The following CORIN variants were observed in gnomAD, a reference collection of about 807,000 sequenced individuals.
CORIN encodes the protein atrial natriuretic peptide-converting enzyme.
Under a neutral mutation model 125.3 loss-of-function variants are expected in CORIN, and 117 were observed. The observed-to-expected ratio is 0.93, with a 90% CI of 0.80 to 1.09. CORIN has a LOEUF of 1.09. CORIN is among the 50% of genes least tolerant of loss of function. The pLI is 0.00. For missense variants in CORIN, 1,253 were observed against 1,306.7 expected, an observed-to-expected ratio of 0.96 and a Z score of 0.63; for synonymous variants, 450 against 466.4, an observed-to-expected ratio of 0.96 and a Z score of 0.45.
intron 6 of CORIN, among the ~76,000 whole-genome samples, chr4:47,691,202 C>T (rs1160780504): frequency 6.6e-6 from 1 of 152,136 alleles, no homozygotes; most frequent in African/African-American, 2.4e-5. Flanking sequence ...CATAGTTGGC[C>T]CACCACAGGA....
At position 47,604,179 on chromosome 4, in the gene CORIN, G is replaced by A. The variant is rs141873810; in HGVS notation, c.2541-511C>T. 5.2e-3 allele frequency among the ~76,000 whole-genome samples: 797 copies of A among 152,310 alleles called. 6 individuals carry two copies. The highest frequency in any genetic ancestry group is 0.018 in the African/African-American group (741 of 41,550). On this transcript the variant is annotated intron_variant, in intron 19 of 21. Transcript: ENST00000273857. ...TTGAATACTTGTCAACAATATTTTA[G>A]TCGATTCCCACCTTAAAACACTTTC...
chr4:47,609,321 C>T (rs1721780318), intron 19 of CORIN, among the ~76,000 whole-genome samples: 1 of 152,144 alleles, frequency 6.6e-6, no homozygotes, highest in South Asian at 2.1e-4. Context: ...CTCACTGCAA[C>T]CTTTGCCTCA....
chr4:47,833,928 A>C (rs947055975), intron 1 of CORIN, among the ~76,000 whole-genome samples: 1 of 152,220 alleles, frequency 6.6e-6, no homozygotes, highest in Admixed American at 6.5e-5. Flanking sequence ...AAGAAAATGC[A>C]TCTCTTGTAT....
At chr4:47,719,657 C>T (rs1727255792) in intron 5 of CORIN, among the ~76,000 whole-genome samples, 1 of 152,132 alleles carries the variant, frequency 6.6e-6, no homozygotes, top group East Asian at 1.9e-4. Flanking sequence ...AGAAGTTTTT[C>T]AGTCTTCAGA....
chr4:47,678,198 T>C, intron 8 of CORIN, 144 bp from the exon 9 acceptor site: 5 of 644,606 alleles, frequency 7.8e-6, no homozygotes, highest in Non-Finnish European at 1.4e-5. Context: ...TTGATTTTAT[T>C]TCTAGAATTT....
intron 3 of CORIN, among the ~76,000 whole-genome samples, chr4:47,772,471 C>A (rs1451414345): frequency 6.6e-6 from 1 of 152,164 alleles, no homozygotes; most frequent in African/African-American, 2.4e-5. Context: ...AAGAACTACA[C>A]CTTGCCCCAT....
chr4:47,837,540 C>A, intron 1 of CORIN: 1 of 405,200 alleles, frequency 2.5e-6, no homozygotes, highest in South Asian at 2.6e-5. Flanking sequence ...TGGAGGGCAC[C>A]GTGCGGAGGA....
chr4:47,721,844 A>G (rs1395937736), intron 5 of CORIN, among the ~76,000 whole-genome samples: 2 of 152,082 alleles, frequency 1.3e-5, no homozygotes, highest in Non-Finnish European at 2.9e-5. Context: ...TTAGGAAAAC[A>G]CCATTATTTG....
chr4:47,694,091 T>G (rs948702024), intron 5 of CORIN, among the ~76,000 whole-genome samples: 7 of 152,206 alleles, frequency 4.6e-5, no homozygotes, highest in Admixed American at 2.6e-4. Context: ...AGGGGCTAGT[T>G]AAATAAATTT....
At chr4:47,687,010 T>C (rs758555752) in intron 6 of CORIN, among the ~76,000 whole-genome samples, 7 of 152,246 alleles carry the variant, frequency 4.6e-5, no homozygotes, top group South Asian at 2.1e-4. Context: ...TAAAAATTGA[T>C]GTCCTCATTT....
intron 11 of CORIN, among the ~76,000 whole-genome samples, chr4:47,662,413 C>G (rs766002094): frequency 2.0e-5 from 3 of 152,002 alleles, no homozygotes; most frequent in Non-Finnish European, 4.4e-5. Context: ...ACGTTGAGCT[C>G]GAGTTGGTTA....
At chr4:47,620,424 T>C (rs1241302328) in intron 19 of CORIN, among the ~76,000 whole-genome samples, 1 of 152,232 alleles carries the variant, frequency 6.6e-6, no homozygotes, top group Non-Finnish European at 1.5e-5. Flanking sequence ...TGGAGAGATG[T>C]CCATGATATA....
In CORIN at chr4:47,837,963, C is replaced by G; in HGVS notation, c.-14G>C. ...AGACTGTTTCATGGATAAAAAGTCT[C>G]GCTTATTCTTCTGTCCACTTTTATC... On this transcript the variant is annotated 5_prime_UTR_variant, in exon 1 of 22. Coordinates refer to ENST00000273857, the MANE Select transcript of CORIN (RefSeq NM_006587.4). 6.2e-7 allele frequency: 1 copy of G among 1,611,294 alleles called. No individual in the cohort carries two copies. Among genetic ancestry groups the G allele is most frequent in the Non-Finnish European group, 8.5e-7 (1 of 1,180,010 alleles).
At chr4:47,824,129 T>C (rs541605558) in intron 1 of CORIN, among the ~76,000 whole-genome samples, 1 of 152,114 alleles carries the variant, frequency 6.6e-6, no homozygotes, top group African/African-American at 2.4e-5. Flanking sequence ...TTTTTTTTTT[T>C]TTTACTCCTT....
chr4:47,637,760 G>A (rs993233937), intron 16 of CORIN, among the ~76,000 whole-genome samples: 1 of 152,224 alleles, frequency 6.6e-6, no homozygotes, highest in East Asian at 1.9e-4. Context: ...GGCCCTCATG[G>A]AGAACCTCTG....
At chr4:47,831,224 T>C (rs1200405486) in intron 1 of CORIN, among the ~76,000 whole-genome samples, 1 of 152,192 alleles carries the variant, frequency 6.6e-6, no homozygotes, top group African/African-American at 2.4e-5. Context: ...GGTTTGGACA[T>C]GTAGAAATGT....
chr4:47,799,126 T>C (rs1451465024), intron 2 of CORIN, among the ~76,000 whole-genome samples: 1 of 151,704 alleles, frequency 6.6e-6, no homozygotes, highest in South Asian at 2.1e-4. Context: ...TGTGTGTGTG[T>C]GTGTGTGTGT....
chr4:47,681,795 T>C (rs1482164478), intron 7 of CORIN: 3 of 152,162 alleles, frequency 2.0e-5, no homozygotes, highest in Non-Finnish European at 2.9e-5. Context: ...CTACTGGGCA[T>C]ATACCCAAAG....
intron 3 of CORIN, among the ~76,000 whole-genome samples, chr4:47,786,037 C>T (rs1730787528): frequency 6.6e-6 from 1 of 151,814 alleles, no homozygotes; most frequent in Admixed American, 6.6e-5. Context: ...TACTTATTAA[C>T]TCAAAATAAG....
Sources: gnomAD v4.1 joint callset for allele counts (sites outside exome capture counted in the v4.1 genomes callset) on GRCh38, gnomAD v4.1.1 for gene constraint, MANE v1.5 for transcripts, NCBI Gene and HGNC (gene_info 2026-07-23, HGNC 2026-07-21) for gene names.